GALNT13: variants seen among roughly 807,000 people sequenced by gnomAD.
GALNT13 encodes UDP-GalNAc:polypeptide N-acetylgalactosaminyltransferase 13.
In GALNT13, 28 loss-of-function variants were observed where a neutral mutation model predicts 64.2. The observed-to-expected ratio is 0.44, with a 90% confidence interval of 0.32 to 0.60. The LOEUF (loss-of-function observed/expected upper bound fraction) is 0.60. Ranked by LOEUF, GALNT13 falls within the 20% of genes least tolerant of loss-of-function variation. GALNT13 has a pLI of 0.05. For synonymous variants in GALNT13, 214 were observed against 224.6 expected, an observed-to-expected ratio of 0.95 and a Z score of 0.42; for missense variants, 577 against 669.8, an observed-to-expected ratio of 0.86 and a Z score of 1.53.
intron 3 of GALNT13, among the ~76,000 whole-genome samples, chr2:154,138,028 T>G (rs1345948): frequency 0.75 from 114,224 of 151,666 alleles, 43,415 homozygotes; most frequent in East Asian, 0.96. Context: ...CCAGAAGTTA[T>G]GAGTCAACAC....
chr2:153,720,452 C>G, the GALNT13 span, among the ~76,000 whole-genome samples: 1 of 151,338 alleles, frequency 6.6e-6, no homozygotes, highest in Non-Finnish European at 1.5e-5. Context: ...CGGAACAAAG[C>G]TGGATGGAGA....
intron 9 of GALNT13, among the ~76,000 whole-genome samples, chr2:154,336,087 G>C (rs1695429268): frequency 6.6e-6 from 1 of 152,076 alleles, no homozygotes; most frequent in South Asian, 2.1e-4. Context: ...CACGTGAATT[G>C]TGGATTAGAG....
intron 3 of GALNT13, among the ~76,000 whole-genome samples, chr2:154,004,149 T>C (rs1412808481): frequency 6.6e-6 from 1 of 152,152 alleles, no homozygotes; most frequent in Non-Finnish European, 1.5e-5. Context: ...ATAGAATTAT[T>C]ACTAATTGTT....
the GALNT13 span, among the ~76,000 whole-genome samples, chr2:153,222,743 C>A: frequency 6.6e-6 from 1 of 152,190 alleles, no homozygotes; most frequent in African/African-American, 2.4e-5. Context: ...CCGGAACTTG[C>A]GCATACCCGG....
At chr2:153,977,709 A>G (rs1694175481) in intron 3 of GALNT13, among the ~76,000 whole-genome samples, 1 of 152,196 alleles carries the variant, frequency 6.6e-6, no homozygotes, top group East Asian at 1.9e-4. Context: ...GAGAAATGCA[A>G]AATCTCAAGT....
Position 154,135,593 on chromosome 2 carries a change from A to G in GALNT13, c.143-4744A>G, listed in dbSNP as rs114190072. 2.2e-3 allele frequency among the ~76,000 whole-genome samples: 342 copies of G among 152,326 alleles called. 2 individuals carry two copies. Among genetic ancestry groups the G allele is most frequent in the African/African-American group, 7.5e-3 (312 of 41,582 alleles). On this transcript the variant is annotated intron_variant, in intron 3 of 12. Transcript: ENST00000392825. ...AATTTATAGGTTAACTATCATATTG[A>G]TATGTGAAGTCTATTTTTGTTTCTA...
At chr2:154,189,100 G>A (rs1225973312) in intron 4 of GALNT13, among the ~76,000 whole-genome samples, 1 of 151,970 alleles carries the variant, frequency 6.6e-6, no homozygotes, top group Non-Finnish European at 1.5e-5. Context: ...TTAAAAAGCT[G>A]TTCTTATTCA....
intron 4 of GALNT13, among the ~76,000 whole-genome samples, chr2:154,194,749 C>CA (rs1686787354): frequency 6.6e-6 from 1 of 151,914 alleles, no homozygotes; most frequent in Non-Finnish European, 1.5e-5. Flanking sequence ...TAATTAATAT[C>CA]ATCATTTTAC....
intron 3 of GALNT13, among the ~76,000 whole-genome samples, chr2:154,135,596 T>C (rs1186641193): frequency 6.6e-6 from 1 of 152,216 alleles, no homozygotes; most frequent in African/African-American, 2.4e-5. Flanking sequence ...CATATTGATA[T>C]GTGAAGTCTA....
chr2:154,040,633 A>G (rs1217360745), intron 3 of GALNT13, among the ~76,000 whole-genome samples: 1 of 140,414 alleles, frequency 7.1e-6, no homozygotes, highest in African/African-American at 2.4e-5. Context: ...GTCCTTACAC[A>G]TAGGGATTAG....
chr2:153,126,519 T>C, the GALNT13 span, among the ~76,000 whole-genome samples: 1 of 152,060 alleles, frequency 6.6e-6, no homozygotes, highest in Non-Finnish European at 1.5e-5. Context: ...GTCACAGTGA[T>C]AGAGTGTGGC....
At chr2:153,975,505 T>C (rs530042329) in intron 3 of GALNT13, among the ~76,000 whole-genome samples, 14 of 152,222 alleles carry the variant, frequency 9.2e-5, no homozygotes, top group South Asian at 6.2e-4. Context: ...TTCATATCAG[T>C]CCCTTTGCAT....
the GALNT13 span, among the ~76,000 whole-genome samples, chr2:153,730,426 A>G: frequency 6.6e-6 from 1 of 151,964 alleles, no homozygotes; most frequent in Non-Finnish European, 1.5e-5. Context: ...CTGTCACCAT[A>G]TACAAAAATC....
chr2:153,222,770 G>A, the GALNT13 span, among the ~76,000 whole-genome samples: 18 of 152,186 alleles, frequency 1.2e-4, no homozygotes, highest in Admixed American at 3.3e-4. Flanking sequence ...ACAGTGTCCC[G>A]GCTCAGCCAC....
chr2:153,525,507 G>A, the GALNT13 span, among the ~76,000 whole-genome samples: 1 of 152,166 alleles, frequency 6.6e-6, no homozygotes, highest in Non-Finnish European at 1.5e-5. Context: ...GCTGGTGAGT[G>A]AGCATTGCTG....
the GALNT13 span, among the ~76,000 whole-genome samples, chr2:153,634,383 T>C: frequency 6.6e-6 from 1 of 152,016 alleles, no homozygotes; most frequent in South Asian, 2.1e-4. Context: ...TTTCTGATAA[T>C]ACACTGATGG....
chr2:154,386,496 A>C (rs1381308599), intron 9 of GALNT13, among the ~76,000 whole-genome samples: 1 of 152,098 alleles, frequency 6.6e-6, no homozygotes, highest in East Asian at 1.9e-4. Flanking sequence ...TAACTTTCTC[A>C]AGTTTCAAGA....
the GALNT13 span, among the ~76,000 whole-genome samples, chr2:153,124,904 A>G: frequency 1.1e-3 from 167 of 152,284 alleles, no homozygotes; most frequent in African/African-American, 3.7e-3. Flanking sequence ...CTATGAACCC[A>G]ATAGTTTCAT....
At chr2:153,815,438 T>C in the GALNT13 span, among the ~76,000 whole-genome samples, 2 of 151,702 alleles carry the variant, frequency 1.3e-5, no homozygotes, top group African/African-American at 4.8e-5. Context: ...CTTTATTCCA[T>C]TCAGGTAGAG....
Sources: allele counts gnomAD v4.1 joint callset (sites outside exome capture counted in the v4.1 genomes callset), GRCh38; gene constraint gnomAD v4.1.1; transcripts MANE v1.5; gene names NCBI Gene and HGNC (gene_info 2026-07-23, HGNC 2026-07-21).